The following FSTL5 variants were observed in gnomAD, a reference collection of about 807,000 sequenced individuals.
FSTL5 encodes follistatin-related protein 5.
FSTL5 carries 62 observed loss-of-function variants against 89.1 expected under a neutral mutation model. That is an observed-to-expected ratio of 0.70 (90% CI 0.57 to 0.86). The LOEUF (loss-of-function observed/expected upper bound fraction) is 0.86, where lower values mean the gene tolerates loss of function less well. Among genes scored for constraint, FSTL5 ranks in the 40% least tolerant of loss-of-function variants. FSTL5 has a pLI of 0.00. For missense variants in FSTL5, 1,057 were observed against 1,001.6 expected, an observed-to-expected ratio of 1.06 and a Z score of -0.75; for synonymous variants, 383 against 346.2, an observed-to-expected ratio of 1.11 and a Z score of -1.18.
intron 4 of FSTL5, among the ~76,000 whole-genome samples, chr4:161,796,630 C>T (rs1421276916): frequency 6.6e-6 from 1 of 151,166 alleles, no homozygotes; most frequent in Non-Finnish European, 1.5e-5. Flanking sequence ...GTTCTTTTTC[C>T]AGAAAGTTTT....
intron 7 of FSTL5, among the ~76,000 whole-genome samples, chr4:161,615,070 G>T (rs920775080): frequency 6.6e-6 from 1 of 151,798 alleles, no homozygotes; most frequent in Non-Finnish European, 1.5e-5. Context: ...CAAAGCAGGC[G>T]CATCACAAGG....
intron 2 of FSTL5, among the ~76,000 whole-genome samples, chr4:162,104,208 C>T (rs955767975): frequency 1.3e-5 from 2 of 152,208 alleles, no homozygotes; most frequent in Non-Finnish European, 2.9e-5. Flanking sequence ...TGCCATTGTT[C>T]CTGCACGGCT....
chr4:161,419,402 T>C (rs1731906088), intron 15 of FSTL5, among the ~76,000 whole-genome samples: 1 of 152,044 alleles, frequency 6.6e-6, no homozygotes, highest in Non-Finnish European at 1.5e-5. Context: ...TGTAGTGGGA[T>C]AAGCAGGCAA....
At chr4:161,480,577 G>T (rs2126452423) in intron 13 of FSTL5, among the ~76,000 whole-genome samples, 1 of 152,182 alleles carries the variant, frequency 6.6e-6, no homozygotes, top group African/African-American at 2.4e-5. Context: ...CTACTACCTA[G>T]CAAATTCTAC....
chr4:161,426,645 T>C (rs1333538054), intron 15 of FSTL5, among the ~76,000 whole-genome samples: 1 of 152,152 alleles, frequency 6.6e-6, no homozygotes, highest in African/African-American at 2.4e-5. Flanking sequence ...CAGGCTTGAG[T>C]GCAGTGGCAC....
intron 8 of FSTL5, among the ~76,000 whole-genome samples, chr4:161,549,886 G>A (rs1375915216): frequency 6.6e-6 from 1 of 151,838 alleles, no homozygotes; most frequent in East Asian, 1.9e-4. Flanking sequence ...GTGTCTGGAG[G>A]ATCCATTGTA....
intron 15 of FSTL5, among the ~76,000 whole-genome samples, chr4:161,439,397 C>G (rs772531429): frequency 2.6e-5 from 4 of 152,200 alleles, no homozygotes; most frequent in Non-Finnish European, 4.4e-5. Flanking sequence ...ACATGTAGCA[C>G]TCCAACCAGA....
At chr4:162,079,638 A>G (rs1184074321) in intron 2 of FSTL5, among the ~76,000 whole-genome samples, 1 of 151,520 alleles carries the variant, frequency 6.6e-6, no homozygotes, top group Non-Finnish European at 1.5e-5. Flanking sequence ...ACAATTCTTC[A>G]GGGTAGGATC....
At chr4:162,033,430 G>C (rs1186472032) in intron 3 of FSTL5, among the ~76,000 whole-genome samples, 195 bp downstream of exon 3, 1 of 152,132 alleles carries the variant, frequency 6.6e-6, no homozygotes. Flanking sequence ...TATGAAGATG[G>C]AAAACATCAA....
intron 8 of FSTL5, among the ~76,000 whole-genome samples, chr4:161,583,006 T>C (rs992283711): frequency 6.6e-6 from 1 of 151,962 alleles, no homozygotes; most frequent in African/African-American, 2.4e-5. Context: ...GCTAAGATGG[T>C]GAAACCTGTC....
intron 4 of FSTL5, among the ~76,000 whole-genome samples, chr4:161,861,220 C>T (rs1261919082): frequency 1.3e-5 from 2 of 151,984 alleles, no homozygotes; most frequent in South Asian, 4.2e-4. Flanking sequence ...GTCAGGAGTT[C>T]GAGACCAGCC....
At chr4:161,444,622 A>G (rs1057044590) in intron 15 of FSTL5, among the ~76,000 whole-genome samples, 2 of 151,872 alleles carry the variant, frequency 1.3e-5, no homozygotes, top group Non-Finnish European at 2.9e-5. Context: ...GGGAGAGGAA[A>G]AACAAAGTTT....
intron 4 of FSTL5, among the ~76,000 whole-genome samples, chr4:161,911,949 T>A (rs1332345347): frequency 1.3e-5 from 2 of 152,174 alleles, no homozygotes; most frequent in East Asian, 3.9e-4. Flanking sequence ...TCTCATTTGG[T>A]TTTAAAATTT....
At chr4:162,121,362 C>T (rs1434747957) in intron 1 of FSTL5, among the ~76,000 whole-genome samples, 2 of 151,950 alleles carry the variant, frequency 1.3e-5, no homozygotes, top group Non-Finnish European at 2.9e-5. Flanking sequence ...CATATAGTGA[C>T]TCATTTTTTA....
chr4:161,527,946 C>T (rs1055844680), intron 10 of FSTL5, among the ~76,000 whole-genome samples: 1 of 149,530 alleles, frequency 6.7e-6, no homozygotes, highest in Non-Finnish European at 1.5e-5. Flanking sequence ...ACATATACAC[C>T]ATGGAATACT....
intron 6 of FSTL5, among the ~76,000 whole-genome samples, chr4:161,732,128 C>T (rs574409342): frequency 1.3e-5 from 2 of 152,068 alleles, no homozygotes; most frequent in South Asian, 4.1e-4. Context: ...CATTTTACAC[C>T]CTTCAGCAGT....
chr4:161,534,843 C>A (rs1166346976), intron 10 of FSTL5, among the ~76,000 whole-genome samples: 5 of 151,958 alleles, frequency 3.3e-5, no homozygotes, highest in African/African-American at 9.7e-5. Context: ...AGACAGTAAA[C>A]AAAACAGCAT....
At chr4:161,928,159 T>C (rs1432985241) in intron 3 of FSTL5, among the ~76,000 whole-genome samples, 3 of 151,654 alleles carry the variant, frequency 2.0e-5, no homozygotes, top group East Asian at 1.9e-4. Flanking sequence ...AATTATACAA[T>C]ATGTAGGCTT....
chr4:162,106,429 T>C (rs559293290), intron 2 of FSTL5, among the ~76,000 whole-genome samples: 457 of 152,258 alleles, frequency 3.0e-3, no homozygotes, highest in Non-Finnish European at 5.1e-3. Context: ...AGCACTGTAG[T>C]TAAGAAAAAA....
Sources: gnomAD v4.1 joint callset for allele counts (sites outside exome capture counted in the v4.1 genomes callset) on GRCh38, gnomAD v4.1.1 for gene constraint, MANE v1.5 for transcripts, NCBI Gene and HGNC (gene_info 2026-07-23, HGNC 2026-07-21) for gene names.